GRIA1: variants seen among roughly 807,000 people sequenced by gnomAD.
The protein encoded by GRIA1 is glutamate receptor 1.
GRIA1 carries 31 observed loss-of-function variants against 99.2 expected under a neutral mutation model. The observed-to-expected ratio is 0.31, with a 90% CI of 0.23 to 0.42. The LOEUF (loss-of-function observed/expected upper bound fraction) is 0.42, where lower values mean the gene tolerates loss of function less well. GRIA1 is among the 10% of genes least tolerant of loss of function. The probability of loss-of-function intolerance (pLI) is 1.00; values close to 1 mark genes in which losing one functional copy is unlikely to be tolerated. For missense variants in GRIA1, 782 were observed against 1,157.5 expected, an observed-to-expected ratio of 0.68 and a Z score of 4.71; for synonymous variants, 438 against 432.4, an observed-to-expected ratio of 1.01 and a Z score of -0.16.
intron 11 of GRIA1, among the ~76,000 whole-genome samples, chr5:153,732,925 C>CTTTTT (rs1288005494): frequency 7.9e-6 from 1 of 127,322 alleles, no homozygotes; most frequent in African/African-American, 3.0e-5. Context: ...AGTTAAATTT[C>CTTTTT]TTTTTTTTTT....
intron 2 of GRIA1, among the ~76,000 whole-genome samples, chr5:153,620,457 A>G (rs1766931042): frequency 1.3e-5 from 2 of 152,194 alleles, no homozygotes; most frequent in South Asian, 2.1e-4. Flanking sequence ...GGTGGAGCCT[A>G]TAGCCTCTGG....
chr5:153,749,703 G>C (rs567906239), intron 11 of GRIA1, among the ~76,000 whole-genome samples: 1 of 152,120 alleles, frequency 6.6e-6, no homozygotes, highest in Admixed American at 6.5e-5. Context: ...GATCAAATTT[G>C]AACATGAGAT....
Position 153,631,091 on chromosome 5 carries a change from T to A in GRIA1, c.221-15837T>A, listed in dbSNP as rs566137296. Among the ~76,000 whole-genome samples, 20 of 152,346 alleles carry A rather than the reference T, an allele frequency of 1.3e-4. 1 individual carries two copies. The South Asian group carries it at 4.1e-3, about 32-fold the overall frequency. On this transcript the variant is annotated intron_variant, in intron 2 of 15. Coordinates refer to ENST00000285900, the MANE Select transcript of GRIA1 (RefSeq NM_000827.4). Reference sequence around the variant, plus strand: ...TTTTACTTGACATTGATTGAACCTCTCAATGGCAAAGACTGTGTTGTGCAT... The same window carrying A: ...TTTTACTTGACATTGATTGAACCTCACAATGGCAAAGACTGTGTTGTGCAT...
chr5:153,807,740 T>C (rs1219477614), intron 15 of GRIA1, among the ~76,000 whole-genome samples: 1 of 152,172 alleles, frequency 6.6e-6, no homozygotes, highest in Non-Finnish European at 1.5e-5. Context: ...GCAAATTGAA[T>C]AAAATCTCAG....
At chr5:153,623,471 C>G (rs1333617414) in intron 2 of GRIA1, among the ~76,000 whole-genome samples, 1 of 152,078 alleles carries the variant, frequency 6.6e-6, no homozygotes. Flanking sequence ...CAGGATGGAG[C>G]ATTCAGTAAA....
intron 7 of GRIA1, among the ~76,000 whole-genome samples, chr5:153,681,403 A>G (rs183172071): frequency 6.6e-6 from 1 of 152,336 alleles, no homozygotes; most frequent in Non-Finnish European, 1.5e-5. Context: ...AGGCAAACTG[A>G]GATGGGTGGT....
chr5:153,698,226 C>G, intron 9 of GRIA1, 72 bp downstream of exon 9: 1 of 808,330 alleles, frequency 1.2e-6, no homozygotes, highest in Non-Finnish European at 2.1e-6. Flanking sequence ...TCCACCAGGA[C>G]TGAAAGCTGG....
chr5:153,812,527 G>A lies in GRIA1; in HGVS notation c.*1302G>A, dbSNP rs983740628. 6.6e-6 allele frequency: 1 copy of A among 152,186 alleles called. No homozygotes were observed. The highest frequency in any genetic ancestry group is 2.4e-5 in the African/African-American group (1 of 41,434). The allele number at this position is 152,186 out of a possible 1,614,324, so 9.4% of individuals were successfully genotyped here. On this transcript the variant is annotated 3_prime_UTR_variant, in exon 16 of 16. Coordinates refer to ENST00000285900, the MANE Select transcript of GRIA1 (RefSeq NM_000827.4). ...GATAACCAAGGAAATAATTGAAGGAGTATAGGGAGATGGATTAAGTTGATA... is the reference window on the plus strand; with the variant it reads ...GATAACCAAGGAAATAATTGAAGGAATATAGGGAGATGGATTAAGTTGATA...
chr5:153,736,754 C>T (rs985311467), intron 11 of GRIA1, among the ~76,000 whole-genome samples: 5 of 152,122 alleles, frequency 3.3e-5, no homozygotes, highest in African/African-American at 1.2e-4. Flanking sequence ...CTTAATTTTC[C>T]AAGACTTTTA....
At chr5:153,520,350 C>T (rs541694779) in intron 2 of GRIA1, among the ~76,000 whole-genome samples, 2 of 152,306 alleles carry the variant, frequency 1.3e-5, no homozygotes, top group Non-Finnish European at 2.9e-5. Flanking sequence ...CAATGCAGTG[C>T]CACCCACAGT....
intron 2 of GRIA1, among the ~76,000 whole-genome samples, chr5:153,561,169 C>G (rs895669999): frequency 1.3e-5 from 2 of 152,112 alleles, no homozygotes; most frequent in African/African-American, 2.4e-5. Flanking sequence ...GGCCCTGGAG[C>G]AGCTTTTCTA....
intron 2 of GRIA1, among the ~76,000 whole-genome samples, chr5:153,627,272 A>G (rs890335743): frequency 6.6e-6 from 1 of 152,222 alleles, no homozygotes; most frequent in African/African-American, 2.4e-5. Context: ...GAGCAGCACC[A>G]TTGGGTGGGT....
chr5:153,729,465 C>G lies in GRIA1; in HGVS notation c.1823+23398C>G, dbSNP rs114172456. On this transcript the variant is annotated intron_variant, in intron 11 of 15. Coordinates refer to ENST00000285900, the MANE Select transcript of GRIA1 (RefSeq NM_000827.4). ...GGTGTTAAGTAGTGCATTTTTTAAC[C>G]AGTTGAGTCTAAGGTATTACACAGT... Among the ~76,000 whole-genome samples, 649 of 151,600 alleles carry G rather than the reference C, an allele frequency of 4.3e-3. 3 individuals are homozygous for G. Among genetic ancestry groups the G allele is most frequent in the Non-Finnish European group, 7.1e-3 (484 of 67,846 alleles).
chr5:153,581,589 G>A (rs1763046158), intron 2 of GRIA1, among the ~76,000 whole-genome samples: 1 of 152,042 alleles, frequency 6.6e-6, no homozygotes, highest in South Asian at 2.1e-4. Context: ...TCTCAGCCCA[G>A]CTCAGCCATC....
At chr5:153,638,745 TA>T (rs1416341663) in intron 2 of GRIA1, among the ~76,000 whole-genome samples, 1 of 152,254 alleles carries the variant, frequency 6.6e-6, no homozygotes, top group Non-Finnish European at 1.5e-5. Context: ...TTACAGAACC[TA>T]AACTAATAAA....
At chr5:153,776,745 G>A (rs186554853) in intron 13 of GRIA1, among the ~76,000 whole-genome samples, 101 of 152,300 alleles carry the variant, frequency 6.6e-4, no homozygotes, top group African/African-American at 2.3e-3. Context: ...AGAAAAGGAG[G>A]GTGGTTAAGG....
chr5:153,582,164 A>C (rs1333934932), intron 2 of GRIA1, among the ~76,000 whole-genome samples: 1 of 152,190 alleles, frequency 6.6e-6, no homozygotes, highest in Non-Finnish European at 1.5e-5. Context: ...TGGAGGAATG[A>C]ATCAATCCTC....
At chr5:153,524,948 G>A (rs1757469907) in intron 2 of GRIA1, among the ~76,000 whole-genome samples, 2 of 152,132 alleles carry the variant, frequency 1.3e-5, no homozygotes, top group East Asian at 3.8e-4. Flanking sequence ...GCTATATTTG[G>A]CAGAACTGTC....
intron 11 of GRIA1, among the ~76,000 whole-genome samples, chr5:153,752,953 C>T (rs1402703950): frequency 6.6e-6 from 1 of 152,146 alleles, no homozygotes; most frequent in Admixed American, 6.5e-5. Flanking sequence ...ATTTGACACC[C>T]TATTGTGGGC....
Sources: gnomAD v4.1 joint callset for allele counts (sites outside exome capture counted in the v4.1 genomes callset) on GRCh38, gnomAD v4.1.1 for gene constraint, MANE v1.5 for transcripts, NCBI Gene and HGNC (gene_info 2026-07-23, HGNC 2026-07-21) for gene names.